Variants in TIAM1 observed in about 807,000 individuals in gnomAD.
The protein encoded by TIAM1 is rho guanine nucleotide exchange factor TIAM1.
Under a neutral mutation model 163.5 loss-of-function variants are expected in TIAM1, and 65 were observed. The observed-to-expected ratio is 0.40, with a 90% CI of 0.33 to 0.49. TIAM1 has a LOEUF of 0.49. TIAM1 is among the 20% of genes least tolerant of loss of function. TIAM1 has a pLI of 0.77. For missense variants in TIAM1, 1,789 were observed against 2,044.7 expected (o/e 0.87, Z 2.41); for synonymous variants, 833 against 810.1 (o/e 1.03, Z -0.48).
At chr21:31,512,617 C>CTTTTTTTTTTTTTTTTTTT in intron 1 of TIAM1, among the ~76,000 whole-genome samples, 1 of 121,762 alleles carries the variant, frequency 8.2e-6, no homozygotes, top group Non-Finnish European at 1.7e-5. Flanking sequence ...TTTTTCTTTT[C>CTTTTTTTTTTTTTTTTTTT]TTTTTTTTTT....
chr21:31,263,675 A>G (rs2072602987), intron 4 of TIAM1, among the ~76,000 whole-genome samples: 1 of 152,138 alleles, frequency 6.6e-6, no homozygotes, highest in Non-Finnish European at 1.5e-5. Context: ...GCCAAAATAC[A>G]ACAGGGCACC....
chr21:31,151,755 C>T (rs765701109), intron 19 of TIAM1, among the ~76,000 whole-genome samples: 2 of 152,124 alleles, frequency 1.3e-5, no homozygotes, highest in Non-Finnish European at 2.9e-5. Flanking sequence ...TGTTAAAGCA[C>T]ATGAGGGTGA....
rs1253166357 is a variant in TIAM1, at chr21:31,182,630, T to C, written c.2678A>G (p.Asp893Gly). The C allele has an allele frequency of 1.2e-6, 2 of 1,611,256 alleles. No individual in the cohort carries two copies. The highest frequency in any genetic ancestry group is 1.1e-5 in the South Asian group (1 of 90,450). The change falls in exon 15 of 28, where the codon GAT becomes GGT. Residue 893 changes from aspartate (D) to glycine (G), a missense_variant. By Grantham distance (94) the Asp-to-Gly change is moderately conservative. Coordinates refer to ENST00000541036, the MANE Select transcript of TIAM1 (RefSeq NM_001353694.2). ...ACGATTATTGATCTCAAGAATCTCA[T>C]CTCCTGCTTTCAGGCCTGCCAACGC... ...LASKKGLKAG[D>G]EILEINNRAA...
intron 15 of TIAM1, among the ~76,000 whole-genome samples, chr21:31,175,229 C>T (rs2084704162): frequency 2.0e-5 from 3 of 152,176 alleles, no homozygotes; most frequent in African/African-American, 7.2e-5. Flanking sequence ...ACGTGTGAGC[C>T]ACAACGAACG....
At chr21:31,492,720 G>A (rs1469476634) in intron 1 of TIAM1, among the ~76,000 whole-genome samples, 2 of 151,092 alleles carry the variant, frequency 1.3e-5, no homozygotes, top group Non-Finnish European at 2.9e-5. Flanking sequence ...TGGGCACACT[G>A]TTAATCTTGG....
At chr21:31,405,130 C>T (rs2077225384) in intron 2 of TIAM1, among the ~76,000 whole-genome samples, 1 of 151,970 alleles carries the variant, frequency 6.6e-6, no homozygotes, top group African/African-American at 2.4e-5. Flanking sequence ...AACTGTGGTC[C>T]CAAGTACTCG....
intron 2 of TIAM1, among the ~76,000 whole-genome samples, chr21:31,423,700 T>TAA (rs200137644): frequency 0.024 from 1,170 of 48,212 alleles, 37 homozygotes; most frequent in South Asian, 0.041. Flanking sequence ...TAGAAAGTTG[T>TAA]AAAAAAAAAA....
intron 8 of TIAM1, among the ~76,000 whole-genome samples, chr21:31,220,014 A>G (rs114167992): frequency 0.022 from 3,380 of 152,352 alleles, 142 homozygotes; most frequent in African/African-American, 0.077. Flanking sequence ...AACACTGAAT[A>G]AATGGTGTTA....
At chr21:31,541,993 T>C (rs183027484) in intron 1 of TIAM1, among the ~76,000 whole-genome samples, 1 of 152,268 alleles carries the variant, frequency 6.6e-6, no homozygotes, top group Admixed American at 6.5e-5. Flanking sequence ...TTCCTCACTT[T>C]CCCTAAAACC....
chr21:31,301,277 G>C (rs2074488212), intron 2 of TIAM1, among the ~76,000 whole-genome samples: 1 of 152,128 alleles, frequency 6.6e-6, no homozygotes, highest in African/African-American at 2.4e-5. Flanking sequence ...TAATTCCTAA[G>C]AACTAGATTA....
chr21:31,500,117 A>G (rs2046803088), intron 1 of TIAM1, among the ~76,000 whole-genome samples: 1 of 152,172 alleles, frequency 6.6e-6, no homozygotes, highest in Non-Finnish European at 1.5e-5. Context: ...GTGAGCCAAG[A>G]TCGCACCATT....
intron 1 of TIAM1, among the ~76,000 whole-genome samples, chr21:31,468,911 G>C (rs564365344): frequency 1.2e-3 from 181 of 152,066 alleles, no homozygotes; most frequent in Non-Finnish European, 2.1e-3. Context: ...GAGGCACCAC[G>C]GGCAGGGATG....
intron 1 of TIAM1, among the ~76,000 whole-genome samples, chr21:31,498,881 G>A (rs1422575831): frequency 3.9e-5 from 6 of 151,900 alleles, no homozygotes; most frequent in Non-Finnish European, 7.4e-5. Flanking sequence ...GGGAGGCGGG[G>A]GTTGCAGTGA....
At position 31,202,899 on chromosome 21, in the gene TIAM1, T is replaced by A. The variant is rs1404126058; in HGVS notation, c.2493+9A>T. ...ATAAAGTGTGCTTGGACAACAGTCATAACATTACCAGCTCATAGATGTCTT... is the reference window on the plus strand; with the variant it reads ...ATAAAGTGTGCTTGGACAACAGTCAAAACATTACCAGCTCATAGATGTCTT... On this transcript the variant is annotated intron_variant, in intron 12 of 27. Coordinates refer to ENST00000541036, the MANE Select transcript of TIAM1 (RefSeq NM_001353694.2). The A allele has an allele frequency of 8.7e-6, 14 of 1,610,882 alleles. No individual in the cohort carries two copies. Among genetic ancestry groups the A allele is most frequent in the Non-Finnish European group, 1.1e-5 (13 of 1,177,242 alleles).
chr21:31,262,605 A>C (rs574060518), intron 4 of TIAM1, among the ~76,000 whole-genome samples: 3 of 152,362 alleles, frequency 2.0e-5, no homozygotes, highest in African/African-American at 7.2e-5. Context: ...CCACCATTCA[A>C]GACTTAAATG....
intron 2 of TIAM1, among the ~76,000 whole-genome samples, chr21:31,398,834 C>A (rs1243045001): frequency 6.6e-6 from 1 of 152,176 alleles, no homozygotes; most frequent in East Asian, 1.9e-4. Flanking sequence ...GAAATGTAAA[C>A]GTCAGCATCT....
intron 2 of TIAM1, among the ~76,000 whole-genome samples, chr21:31,293,052 G>C (rs1204954632): frequency 6.6e-6 from 1 of 152,178 alleles, no homozygotes; most frequent in African/African-American, 2.4e-5. Context: ...TTGAGCTACT[G>C]ACCTCAAGTG....
chr21:31,350,147 C>A (rs2076210787), intron 2 of TIAM1, among the ~76,000 whole-genome samples: 1 of 152,164 alleles, frequency 6.6e-6, no homozygotes, highest in African/African-American at 2.4e-5. Flanking sequence ...AGAGGGCTCA[C>A]CCTCTTGAGC....
intron 1 of TIAM1, among the ~76,000 whole-genome samples, chr21:31,530,353 A>AAGAGGCCTGAACACTGTCC (rs539670308): frequency 6.6e-6 from 1 of 152,242 alleles, no homozygotes; most frequent in African/African-American, 2.4e-5. Flanking sequence ...CAACTTGGCC[A>AAGAGGCCTGAACACTGTCC]AGAGGCCTGA....
Sources: allele counts gnomAD v4.1 joint callset (sites outside exome capture counted in the v4.1 genomes callset), GRCh38; gene constraint gnomAD v4.1.1; transcripts MANE v1.5; gene names NCBI Gene and HGNC (gene_info 2026-07-23, HGNC 2026-07-21).